PLK4: variants seen among roughly 807,000 people sequenced by gnomAD.
PLK4 encodes serine/threonine-protein kinase PLK4.
In PLK4, 51 loss-of-function variants were observed where a neutral mutation model predicts 103.0. The observed-to-expected ratio is 0.50, with a 90% CI of 0.40 to 0.63. The LOEUF (loss-of-function observed/expected upper bound fraction) is 0.63, where lower values mean the gene tolerates loss of function less well. Among genes scored for constraint, PLK4 ranks in the 20% least tolerant of loss-of-function variants. The probability of loss-of-function intolerance (pLI) is 0.00; values close to 1 mark genes in which losing one functional copy is unlikely to be tolerated. For missense variants in PLK4, 1,054 were observed against 1,151.0 expected (o/e 0.92, Z 1.22); for synonymous variants, 389 against 376.8 (o/e 1.03, Z -0.38).
rs1257092833 is a variant in PLK4, at chr4:127,890,164, A to G, written c.1758A>G (p.Thr586=). Reference sequence around the variant, plus strand: ...CACCATGGGGTTATCAGAATCGTACATTAAGAAGCATTACATCTCCGTTGG... The same window carrying G: ...CACCATGGGGTTATCAGAATCGTACGTTAAGAAGCATTACATCTCCGTTGG... The part of the protein sequence containing the change: ...MEPPWGYQNR[T]LRSITSPLVA... The change falls in exon 7 of 16, where the codon ACA becomes ACG. Residue 586 remains threonine (T), a synonymous_variant. Coordinates refer to ENST00000270861, the MANE Select transcript of PLK4 (RefSeq NM_014264.5). 1.1e-5 allele frequency: 17 copies of G among 1,613,678 alleles called. No homozygotes were observed. The highest frequency in any genetic ancestry group is 1.4e-5 in the Non-Finnish European group (16 of 1,179,698).
intron 5 of PLK4, among the ~76,000 whole-genome samples, chr4:127,887,107 G>T (rs1578756642): frequency 6.6e-6 from 1 of 152,198 alleles, no homozygotes; most frequent in Middle Eastern, 3.4e-3. Context: ...CTAATTTTCA[G>T]TGACTGTATT....
At chr4:127,894,887 C>A in intron 13 of PLK4, 66 bp from the exon 14 acceptor site, 1 of 1,076,838 alleles carries the variant, frequency 9.3e-7, no homozygotes, top group Non-Finnish European at 1.3e-6. Flanking sequence ...TAATTGTCTG[C>A]TTTTGCTGAA....
intron 14 of PLK4, 100 bp from the exon 15 acceptor site, chr4:127,896,701 A>G (rs1735577286): frequency 4.9e-6 from 3 of 611,618 alleles, no homozygotes; most frequent in Non-Finnish European, 8.7e-6. Context: ...ATATTAATAC[A>G]GAACCACAAA....
At chr4:127,895,376 T>C (rs1337789735) in intron 14 of PLK4, among the ~76,000 whole-genome samples, 2 of 151,460 alleles carry the variant, frequency 1.3e-5, no homozygotes, top group East Asian at 3.9e-4. Context: ...TTACTAATTG[T>C]GAAGAGTAGA....
rs1167527504 is a variant in PLK4, at chr4:127,895,025, G to T, written c.2635G>T (p.Asp879Tyr). 1 of 1,611,260 alleles carries T rather than the reference G, an allele frequency of 6.2e-7. No individual in the cohort carries two copies. The highest frequency in any genetic ancestry group is 8.5e-7 in the Non-Finnish European group (1 of 1,178,180). Residue 879 changes from aspartate to tyrosine, a missense_variant, in exon 14 of 16, where the codon GAT (aspartate) becomes TAT (tyrosine). Around this residue, in one of 4 missense-constraint regions of PLK4, gnomAD observed 167 missense variants for 200.7 expected, o/e 0.83. Transcript: ENST00000270861. ...GTDISSNSLK[D>Y]CLPKSAQLLK... is the part of the protein sequence containing the mutation. Reference sequence around the variant, plus strand: ...AGACATCTCTTCTAATAGTCTAAAAGATTGTCTTCCTAAATCAGCACAACT... The same window carrying T: ...AGACATCTCTTCTAATAGTCTAAAATATTGTCTTCCTAAATCAGCACAACT...
In PLK4 at chr4:127,896,749, TG is replaced by T. The variant is rs1044924947; in HGVS notation, c.2704-51del. 90 of 925,084 alleles carry T rather than the reference TG, an allele frequency of 9.7e-5. No individual in the cohort carries two copies. The African/African-American group carries it at 1.0e-3, about 11-fold the overall frequency. 57.3% of individuals were successfully genotyped at this position (925,084 alleles called of 1,614,324 possible). On this transcript the variant is annotated intron_variant, in intron 14 of 15. Coordinates refer to ENST00000270861, the MANE Select transcript of PLK4 (RefSeq NM_014264.5). ...TAGTAATTTTGTGTGCTACTACTGC[TG>T]TTTTTTTTTTTTTCTGTGCCTGTTC...
Position 127,886,733 on chromosome 4 carries a change from G to C in PLK4, c.1358+5G>C, listed in dbSNP as rs772109280. The C allele has an allele frequency of 6.4e-7, 1 of 1,563,546 alleles. No individual in the cohort carries two copies. Among genetic ancestry groups the C allele is most frequent in the South Asian group, 1.2e-5 (1 of 83,734 alleles). The stretch of plus-strand genomic sequence containing the variant: ...ACCTGATAACAATCAAGCACTGTAA[G>C]AATAATTCTATCAGAGGCATTTTGT... On this transcript the variant is annotated splice_donor_5th_base_variant and intron_variant, in intron 5 of 15. Transcript: ENST00000270861.
chr4:127,881,769 C>T (rs1734938811), intron 1 of PLK4, 62 bp from the exon 2 acceptor site: 4 of 984,276 alleles, frequency 4.1e-6, no homozygotes, highest in South Asian at 1.3e-5. Flanking sequence ...TTTTTCCAGC[C>T]CCTTCCCATC....
rs1280628514 is a variant in PLK4, at chr4:127,883,278, T to C, written c.143T>C (p.Met48Thr). 2 of 1,570,126 alleles carry C rather than the reference T, an allele frequency of 1.3e-6. No individual in the cohort carries two copies. Among genetic ancestry groups the C allele is most frequent in the East Asian group, 2.2e-5 (1 of 44,586 alleles). ...VAIKMIDKKA[M>T]YKAGMVQRVQ... ...TATTTTTAGATAGATAAGAAAGCCA[T>C]GTACAAAGCAGGAATGGTACAGAGA... Residue 48 changes from methionine (M) to threonine (T), a missense_variant, in exon 3 of 16, where the codon ATG becomes ACG. Transcript: ENST00000270861.
intron 14 of PLK4, among the ~76,000 whole-genome samples, chr4:127,895,448 C>CTTTTTTTTT (rs1450219933): frequency 2.7e-5 from 2 of 75,278 alleles, no homozygotes; most frequent in African/African-American, 1.2e-4. Context: ...AGTAGAGTAA[C>CTTTTTTTTT]TTTCTTTTTT....
Position 127,886,165 on chromosome 4 carries a change from G to T in PLK4, c.795G>T (p.Met265Ile), listed in dbSNP as rs753980487. ...CTTCAGTATTGGACCATCCTTTTAT[G>T]TCCCGAAATTCTTCAACAAAAAGTA... ...SLSSVLDHPF[M>I]SRNSSTKSKD... The change falls in exon 5 of 16, where the codon ATG becomes ATT. Residue 265 changes from methionine to isoleucine, a missense_variant. Physicochemically the swap from Met to Ile is conservative, Grantham distance 10. Around this residue, in one of 4 missense-constraint regions of PLK4, gnomAD observed 680 missense variants for 660.3 expected, o/e 1.03. Transcript: ENST00000270861. 1 of 1,614,010 alleles carries T rather than the reference G, an allele frequency of 6.2e-7. No homozygotes were observed. The highest frequency in any genetic ancestry group is 2.2e-5 in the East Asian group (1 of 44,878).
chr4:127,895,959 T>G (rs1029990958), intron 14 of PLK4, among the ~76,000 whole-genome samples: 1 of 152,216 alleles, frequency 6.6e-6, no homozygotes, highest in Non-Finnish European at 1.5e-5. Context: ...GTTGTGAACC[T>G]ATATGTGTAT....
intron 2 of PLK4, among the ~76,000 whole-genome samples, chr4:127,882,722 C>G (rs1734976036): frequency 6.6e-6 from 1 of 152,004 alleles, no homozygotes; most frequent in South Asian, 2.1e-4. Context: ...CGCGCCATTG[C>G]ACTCCAGCCC....
At chr4:127,881,246 A>G in intron 1 of PLK4, 82 bp downstream of exon 1, 4 of 1,603,118 alleles carry the variant, frequency 2.5e-6, no homozygotes, top group South Asian at 1.1e-5. Context: ...AGGGGAGCGA[A>G]CGAAGCTAAC....
chr4:127,895,451 TC>T (rs376894080), intron 14 of PLK4, among the ~76,000 whole-genome samples: 4 of 142,356 alleles, frequency 2.8e-5, no homozygotes, highest in Admixed American at 1.4e-4. Flanking sequence ...AGAGTAACTT[TC>T]TTTTTTTTTT....
At chr4:127,891,515 T>A in intron 8 of PLK4, 64 bp from the exon 9 acceptor site, 2 of 594,858 alleles carry the variant, frequency 3.4e-6, no homozygotes, top group Non-Finnish European at 5.9e-6. Context: ...GTATACGTTT[T>A]AGCAAGATAT....
In PLK4 at chr4:127,895,026, A is replaced by T; in HGVS notation, c.2636A>T (p.Asp879Val). Reference protein sequence around the residue: ...GTDISSNSLKDCLPKSAQLLK... With the variant: ...GTDISSNSLKVCLPKSAQLLK... ...GACATCTCTTCTAATAGTCTAAAAG[A>T]TTGTCTTCCTAAATCAGCACAACTT... Residue 879 changes from aspartate (D) to valine (V), a missense_variant, in exon 14 of 16, where the codon GAT (aspartate) becomes GTT (valine). Physicochemically the swap from Asp to Val is radical, Grantham distance 152. This residue lies in a region of PLK4 where 167 missense variants were observed against 200.7 expected (regional missense o/e 0.83). Transcript: ENST00000270861. 1 of 1,611,434 alleles carries T rather than the reference A, an allele frequency of 6.2e-7. No homozygotes were observed. Among genetic ancestry groups the T allele is most frequent in the Non-Finnish European group, 8.5e-7 (1 of 1,178,178 alleles).
intron 7 of PLK4, among the ~76,000 whole-genome samples, 200 bp downstream of exon 7, chr4:127,890,436 A>G (rs914580876): frequency 3.3e-5 from 5 of 152,136 alleles, no homozygotes; most frequent in African/African-American, 1.2e-4. Context: ...TAGTGACATG[A>G]TACTGGTAAG....
At chr4:127,887,212 G>A (rs946391152) in intron 5 of PLK4, 184 bp from the exon 6 acceptor site, 17 of 509,050 alleles carry the variant, frequency 3.3e-5, no homozygotes, top group Non-Finnish European at 6.0e-5. Context: ...AAGTGCCCTG[G>A]GCATTTTGGC....
Sources: gnomAD v4.1 joint callset for allele counts (sites outside exome capture counted in the v4.1 genomes callset) on GRCh38, gnomAD v4.1.1 for gene constraint, gnomAD v4.1.1 regional missense constraint, MANE v1.5 for transcripts, NCBI Gene and HGNC (gene_info 2026-07-23, HGNC 2026-07-21) for gene names.